Variants in HAPLN1 observed in about 807,000 individuals in gnomAD.
HAPLN1 encodes the protein hyaluronan and proteoglycan link protein 1.
Under a neutral mutation model 36.5 loss-of-function variants are expected in HAPLN1, and 13 were observed. The observed-to-expected ratio is 0.36, with a 90% CI of 0.23 to 0.57. The LOEUF (loss-of-function observed/expected upper bound fraction) is 0.57, where lower values mean the gene tolerates loss of function less well. Among genes scored for constraint, HAPLN1 ranks in the 20% least tolerant of loss-of-function variants. The pLI is 0.83. For synonymous variants in HAPLN1, 202 were observed against 169.8 expected (o/e 1.19, Z -1.48); for missense variants, 407 against 439.7 (o/e 0.93, Z 0.66).
At chr5:83,674,380 C>G (rs1413171954) in intron 1 of HAPLN1, 1 of 152,156 alleles carries the variant, frequency 6.6e-6, no homozygotes, top group Non-Finnish European at 1.5e-5. Flanking sequence ...GACAGGGAGG[C>G]ACAGATCTGG....
intron 1 of HAPLN1, among the ~76,000 whole-genome samples, chr5:83,681,302 G>A (rs893794484): frequency 2.0e-5 from 3 of 151,970 alleles, no homozygotes; most frequent in African/African-American, 4.8e-5. Context: ...GAACCTAAAC[G>A]GAGGCATTTT....
intron 2 of HAPLN1, among the ~76,000 whole-genome samples, chr5:83,656,327 C>CAAAAAAAAAAA (rs35902132): frequency 5.0e-5 from 3 of 59,802 alleles, no homozygotes; most frequent in Non-Finnish European, 5.8e-5. Context: ...GACTACGTCT[C>CAAAAAAAAAAA]AAAAAAAAAA....
At chr5:83,659,474 T>C (rs1750319854) in intron 2 of HAPLN1, among the ~76,000 whole-genome samples, 1 of 152,190 alleles carries the variant, frequency 6.6e-6, no homozygotes, top group East Asian at 1.9e-4. Flanking sequence ...CTATGAGAAG[T>C]TGTGGGGAAA....
At chr5:83,700,210 A>G (rs1425841354) in intron 1 of HAPLN1, among the ~76,000 whole-genome samples, 1 of 151,142 alleles carries the variant, frequency 6.6e-6, no homozygotes, top group African/African-American at 2.4e-5. Flanking sequence ...AAAAAAAAAA[A>G]AAAGACAACC....
chr5:83,676,997 T>C (rs1337436921), intron 1 of HAPLN1, among the ~76,000 whole-genome samples: 1 of 152,184 alleles, frequency 6.6e-6, no homozygotes, highest in African/African-American at 2.4e-5. Flanking sequence ...GAGTAATAGT[T>C]TGATAGAAAT....
intron 3 of HAPLN1, chr5:83,652,190 T>A (rs1750081708): frequency 2.4e-6 from 1 of 410,318 alleles, no homozygotes; most frequent in Non-Finnish European, 4.3e-6. Context: ...TAAGGCAGTA[T>A]CTGAAAACTG....
chr5:83,707,179 T>A (rs2085451), intron 1 of HAPLN1, among the ~76,000 whole-genome samples: 60,633 of 152,000 alleles, frequency 0.4, 12,509 homozygotes, highest in African/African-American at 0.45. Flanking sequence ...TATAGATTCA[T>A]TGCTATTCCT....
intron 1 of HAPLN1, among the ~76,000 whole-genome samples, chr5:83,692,968 T>C (rs568506803): frequency 6.6e-6 from 1 of 152,010 alleles, no homozygotes; most frequent in South Asian, 2.1e-4. Context: ...CCAGTGGATG[T>C]TTGAAACTGT....
intron 1 of HAPLN1, among the ~76,000 whole-genome samples, chr5:83,706,080 T>G (rs1751640593): frequency 8.0e-6 from 1 of 124,750 alleles, no homozygotes. Context: ...TAAAATTGAA[T>G]CAGTAATAAA....
intron 1 of HAPLN1, among the ~76,000 whole-genome samples, chr5:83,682,738 A>G (rs1038454109): frequency 2.0e-5 from 3 of 152,230 alleles, no homozygotes; most frequent in Non-Finnish European, 4.4e-5. Flanking sequence ...CTTCCAATTA[A>G]TTTAGCAAAT....
intron 2 of HAPLN1, among the ~76,000 whole-genome samples, chr5:83,655,688 G>A (rs1281952352): frequency 7.8e-6 from 1 of 127,912 alleles, no homozygotes; most frequent in African/African-American, 2.9e-5. Flanking sequence ...TTGTTTGTTT[G>A]TTTGCTTTTA....
Position 83,638,005 on chromosome 5 carries a change from A to G in HAPLN1, c.*3491T>C, listed in dbSNP as rs1242739245. The stretch of plus-strand genomic sequence containing the variant: ...ATACTATAGTTGATTTAGCGACACC[A>G]TATAAATGCTCTTTTTTTTTTTTTG... On this transcript the variant is annotated 3_prime_UTR_variant, in exon 5 of 5. Coordinates refer to ENST00000274341, the MANE Select transcript of HAPLN1 (RefSeq NM_001884.4). The G allele has an allele frequency of 7.0e-6, 1 of 142,822 alleles. No individual in the cohort carries two copies. Among genetic ancestry groups the G allele is most frequent in the Non-Finnish European group, 1.5e-5 (1 of 65,840 alleles). The allele number at this position is 142,822 out of a possible 1,614,324, so 8.8% of individuals were successfully genotyped here. A position where few individuals can be genotyped will look rare whatever the true frequency, so the allele number is the denominator to read the frequency against.
chr5:83,644,888 C>T (rs1484759856), intron 3 of HAPLN1, among the ~76,000 whole-genome samples: 1 of 152,180 alleles, frequency 6.6e-6, no homozygotes, highest in African/African-American at 2.4e-5. Flanking sequence ...CAGTGATTTA[C>T]TGCTTTAGCT....
chr5:83,688,385 A>G (rs77291709), intron 1 of HAPLN1, among the ~76,000 whole-genome samples: 3 of 152,232 alleles, frequency 2.0e-5, no homozygotes, highest in East Asian at 3.9e-4. Flanking sequence ...TTCTCTATTT[A>G]GTTCTCTTCA....
intron 2 of HAPLN1, among the ~76,000 whole-genome samples, chr5:83,666,410 T>C (rs992226106): frequency 4.6e-5 from 7 of 152,114 alleles, no homozygotes; most frequent in South Asian, 4.1e-4. Context: ...CAAACAATCA[T>C]TGGCTTCACA....
chr5:83,641,912 G>A (rs968331814), intron 4 of HAPLN1, 127 bp from the exon 5 acceptor site: 1 of 1,000,810 alleles, frequency 1.0e-6, no homozygotes. Flanking sequence ...AAAATTTTGG[G>A]AACATAGAAA....
chr5:83,688,807 A>G (rs1470620384), intron 1 of HAPLN1, among the ~76,000 whole-genome samples: 2 of 151,798 alleles, frequency 1.3e-5, no homozygotes, highest in Non-Finnish European at 2.9e-5. Flanking sequence ...CTCTTCTATC[A>G]CCCTCTGCTA....
intron 2 of HAPLN1, among the ~76,000 whole-genome samples, chr5:83,660,093 T>C (rs1750341621): frequency 6.6e-6 from 1 of 152,184 alleles, no homozygotes; most frequent in African/African-American, 2.4e-5. Flanking sequence ...GTTTTTATAA[T>C]TTCTCAAATG....
chr5:83,719,955 CTGTG>C (rs1210583662), intron 1 of HAPLN1, among the ~76,000 whole-genome samples: 4 of 152,164 alleles, frequency 2.6e-5, no homozygotes, highest in Non-Finnish European at 5.9e-5. Context: ...GTACTGGCCA[CTGTG>C]TGTATTTTTC....
Sources: gnomAD v4.1 joint callset for allele counts (sites outside exome capture counted in the v4.1 genomes callset) on GRCh38, gnomAD v4.1.1 for gene constraint, MANE v1.5 for transcripts, NCBI Gene and HGNC (gene_info 2026-07-23, HGNC 2026-07-21) for gene names.